LAMA4: variants seen among roughly 807,000 people sequenced by gnomAD.
LAMA4 encodes laminin subunit alpha 4.
Under a neutral mutation model 207.1 loss-of-function variants are expected in LAMA4, and 127 were observed. That is an observed-to-expected ratio of 0.61 (90% confidence interval 0.53 to 0.71). LAMA4 has a LOEUF of 0.71. Among genes scored for constraint, LAMA4 ranks in the 30% least tolerant of loss-of-function variants. LAMA4 has a pLI of 0.00. For synonymous variants in LAMA4, 761 were observed against 816.0 expected (o/e 0.93, Z 1.15); for missense variants, 2,093 against 2,246.5 (o/e 0.93, Z 1.38).
Position 112,119,322 on chromosome 6 carries a change from A to G in LAMA4, c.4666-11T>C. 1 of 1,613,318 alleles carries G rather than the reference A, an allele frequency of 6.2e-7. No homozygotes were observed. On this transcript the variant is annotated splice_polypyrimidine_tract_variant and intron_variant, in intron 33 of 38. Coordinates refer to ENST00000230538, the MANE Select transcript of LAMA4 (RefSeq NM_001105206.3). ...TCGAATAAATATCACCTGGATGAAG[A>G]GAAGGACAATAGCACATCTCAGGTA...
intron 14 of LAMA4, among the ~76,000 whole-genome samples, chr6:112,156,202 C>T (rs913638109): frequency 3.2e-4 from 49 of 152,082 alleles, no homozygotes; most frequent in African/African-American, 1.1e-3. Context: ...AGCCCCAGCC[C>T]TTCCTCAGCA....
chr6:112,112,141 C>G (rs1583621215), intron 38 of LAMA4, among the ~76,000 whole-genome samples: 1 of 152,032 alleles, frequency 6.6e-6, no homozygotes, highest in African/African-American at 2.4e-5. Context: ...GCTACAACAG[C>G]AGTATGTGTA....
rs554483866 is a variant in LAMA4 at position 112,216,590 on chromosome 6, C to T, written c.196-121G>A. ...TCTAAACATTTCTAAAATGAATATACTAAATGATACATACAAAACATACTA... is the reference window on the plus strand; with the variant it reads ...TCTAAACATTTCTAAAATGAATATATTAAATGATACATACAAAACATACTA... On this transcript the variant is annotated intron_variant, in intron 2 of 38. Transcript: ENST00000230538. 6 of 718,658 alleles carry T rather than the reference C, an allele frequency of 8.3e-6. No homozygotes were observed. The South Asian group carries it at 9.0e-5, about 11-fold the overall frequency. 44.5% of individuals were successfully genotyped at this position (718,658 alleles called of 1,614,324 possible).
chr6:112,142,187 G>T lies in LAMA4; in HGVS notation c.2599C>A (p.Pro867Thr), dbSNP rs782162498. Residue 867 changes from proline to threonine, a missense_variant, in exon 20 of 39, where the codon CCC (proline) becomes ACC (threonine). By Grantham distance (38) the Pro-to-Thr change is conservative. This residue lies in a region of LAMA4 where 1,704 missense variants were observed against 1,788.4 expected (regional missense o/e 0.95). Transcript: ENST00000230538. ...GTCAGTTCCGGCCGCTTCACAGGGGGTTTCATGTACAGGCTCAGAGACGTG... is the reference window on the plus strand; with the variant it reads ...GTCAGTTCCGGCCGCTTCACAGGGGTTTTCATGTACAGGCTCAGAGACGTG... ...AFTSLSLYMK[P>T]PVKRPELTET... 188 of 1,613,962 alleles carry T rather than the reference G, an allele frequency of 1.2e-4. No homozygotes were observed. The highest frequency in any genetic ancestry group is 1.6e-4 in the Non-Finnish European group (183 of 1,180,010).
At position 112,139,790 on chromosome 6, in the gene LAMA4, G is replaced by T. The variant is rs1562651355; in HGVS notation, c.3072C>A (p.Ile1024=). The change falls in exon 23 of 39, where the codon ATC becomes ATA. Residue 1024 remains isoleucine, a synonymous_variant. Transcript: ENST00000230538. ...DVISLYNFKH[I]YNMDPSTSVP... ...CTGATGTGGAGGGGTCCATATTATA[G>T]ATGTGCTTAAAGTTGTACAAGCTGA... 1 of 1,614,006 alleles carries T rather than the reference G, an allele frequency of 6.2e-7. No individual in the cohort carries two copies. Among genetic ancestry groups the T allele is most frequent in the East Asian group, 2.2e-5 (1 of 44,876 alleles).
rs149390785 is a variant in LAMA4 at position 112,215,918 on chromosome 6, T to C, written c.297+450A>G. Reference sequence around the variant, plus strand: ...TATTGGGTTCAAACTTAAATTTCTTTTTTAAAAACTAATTTTGATCTATAG... The same window carrying C: ...TATTGGGTTCAAACTTAAATTTCTTCTTTAAAAACTAATTTTGATCTATAG... On this transcript the variant is annotated intron_variant, in intron 3 of 38. Coordinates refer to ENST00000230538, the MANE Select transcript of LAMA4 (RefSeq NM_001105206.3). Among the ~76,000 whole-genome samples the C allele has an allele frequency of 1.7e-3, 254 of 152,332 alleles. 1 individual carries two copies. Among genetic ancestry groups the C allele is most frequent in the African/African-American group, 5.0e-3 (207 of 41,586 alleles).
intron 13 of LAMA4, 82 bp downstream of exon 13, chr6:112,165,078 A>G (rs1781304805): frequency 1.2e-6 from 1 of 824,002 alleles, no homozygotes; most frequent in Admixed American, 1.7e-5. Flanking sequence ...GTTAGATATG[A>G]ATTTATTATT....
chr6:112,130,956 G>A lies in LAMA4; in HGVS notation c.3968+12C>T. 1 of 1,612,196 alleles carries A rather than the reference G, an allele frequency of 6.2e-7. No individual in the cohort carries two copies. Among genetic ancestry groups the A allele is most frequent in the Non-Finnish European group, 8.5e-7 (1 of 1,178,472 alleles). On this transcript the variant is annotated intron_variant, in intron 29 of 38. Coordinates refer to ENST00000230538, the MANE Select transcript of LAMA4 (RefSeq NM_001105206.3). ...AGACATGGTGGAAAGAATATGAAGT[G>A]AGGAGCTATACCTTGTGGGTGAGAC... is the stretch of plus-strand genomic sequence containing the variant.
In LAMA4 at chr6:112,187,430, A is replaced by G; in HGVS notation, c.966+20T>C. 4 of 1,613,876 alleles carry G rather than the reference A, an allele frequency of 2.5e-6. No homozygotes were observed. The highest frequency in any genetic ancestry group is 2.5e-6 in the Non-Finnish European group (3 of 1,179,786). ...AAGCCAGGATGAAAACAGAGTGGAA[A>G]GTAGAACATTCCTGCGTACTTTGAG... On this transcript the variant is annotated intron_variant, in intron 8 of 38. Transcript: ENST00000230538.
chr6:112,131,640 C>G (rs1554329834), intron 28 of LAMA4, among the ~76,000 whole-genome samples: 1 of 152,106 alleles, frequency 6.6e-6, no homozygotes, highest in Non-Finnish European at 1.5e-5. Flanking sequence ...GCACCAACTT[C>G]TTAAGTCTGC....
chr6:112,241,543 A>G (rs1786516265), intron 2 of LAMA4, among the ~76,000 whole-genome samples: 1 of 152,166 alleles, frequency 6.6e-6, no homozygotes, highest in Non-Finnish European at 1.5e-5. Flanking sequence ...AGCTATGACC[A>G]TGAGTTACTT....
chr6:112,114,413 G>A (rs782527279), intron 37 of LAMA4, among the ~76,000 whole-genome samples: 5 of 152,062 alleles, frequency 3.3e-5, no homozygotes, highest in Non-Finnish European at 7.4e-5. Context: ...GAATATTCTT[G>A]TGCTACTTTT....
intron 31 of LAMA4, among the ~76,000 whole-genome samples, chr6:112,125,044 C>T (rs781983069): frequency 3.3e-5 from 5 of 152,224 alleles, no homozygotes; most frequent in African/African-American, 1.2e-4. Context: ...CGTGAGCCAC[C>T]GCACCTGGCC....
chr6:112,151,506 T>C (rs2157551), intron 16 of LAMA4, among the ~76,000 whole-genome samples: 1 of 152,152 alleles, frequency 6.6e-6, no homozygotes, highest in Admixed American at 6.5e-5. Flanking sequence ...TTCTACTCAA[T>C]GAATATGGTA....
At chr6:112,199,770 CTT>C (rs11377610) in intron 5 of LAMA4, among the ~76,000 whole-genome samples, 16 of 147,160 alleles carry the variant, frequency 1.1e-4, no homozygotes, top group South Asian at 2.2e-4. Context: ...GATACTGTGG[CTT>C]TTTTTTTTTT....
At chr6:112,154,734 T>C (rs1780601565) in intron 16 of LAMA4, 117 bp downstream of exon 16, 2 of 751,102 alleles carry the variant, frequency 2.7e-6, no homozygotes, top group Admixed American at 1.9e-5. Context: ...ACTACTGATA[T>C]GTTATGTAGT....
At chr6:112,109,963 T>G (rs1234637300) in intron 38 of LAMA4, among the ~76,000 whole-genome samples, 3 of 152,222 alleles carry the variant, frequency 2.0e-5, no homozygotes, top group East Asian at 1.9e-4. Context: ...GGAAAGAAAT[T>G]TTAGCTTCCA....
chr6:112,165,353 A>G, intron 12 of LAMA4, 77 bp from the exon 13 acceptor site: 2 of 962,648 alleles, frequency 2.1e-6, no homozygotes, highest in Admixed American at 1.7e-5. Flanking sequence ...GTAAATGTCA[A>G]CTTGCTCTCT....
Position 112,139,283 on chromosome 6 carries a change from A to T in LAMA4, c.3119T>A (p.Leu1040Gln), listed in dbSNP as rs533014868. 6.2e-7 allele frequency: 1 copy of T among 1,614,198 alleles called. No homozygotes were observed. Among genetic ancestry groups the T allele is most frequent in the South Asian group, 1.1e-5 (1 of 91,086 alleles). ...GGCAGCCCGACTCTGAGTGAAGGCC[A>T]GCTTATCTCTGAAATGGAAACACAA... ...STSVPCARDK[L>Q]AFTQSRAASY... is the part of the protein sequence containing the mutation. Residue 1040 changes from leucine to glutamine, a missense_variant, in exon 24 of 39, where the codon CTG becomes CAG. Leu to Gln is a moderately radical substitution (Grantham distance 113). Transcript: ENST00000230538.
Sources: gnomAD v4.1 joint callset for allele counts (sites outside exome capture counted in the v4.1 genomes callset) on GRCh38, gnomAD v4.1.1 for gene constraint, gnomAD v4.1.1 regional missense constraint, MANE v1.5 for transcripts, NCBI Gene and HGNC (gene_info 2026-07-23, HGNC 2026-07-21) for gene names.